SYCP2: variants seen among roughly 807,000 people sequenced by gnomAD.
The protein encoded by SYCP2 is synaptonemal complex protein 2, also known as synaptonemal complex lateral element protein.
SYCP2 carries 55 observed loss-of-function variants against 211.3 expected under a neutral mutation model. The ratio of observed to expected loss-of-function variants is 0.26; its 90% CI spans 0.21 to 0.33. The LOEUF (loss-of-function observed/expected upper bound fraction) is 0.33, where lower values mean the gene tolerates loss of function less well. Among genes scored for constraint, SYCP2 ranks in the 10% least tolerant of loss-of-function variants. The pLI is 1.00. For missense variants in SYCP2, 1,731 were observed against 1,752.0 expected (o/e 0.99, Z 0.21); for synonymous variants, 570 against 555.2 (o/e 1.03, Z -0.37).
intron 31 of SYCP2, among the ~76,000 whole-genome samples, chr20:59,879,822 AATATATATATATATATATATATATATAT>A (rs1159547809): frequency 5.9e-5 from 3 of 51,118 alleles, no homozygotes; most frequent in Non-Finnish European, 9.6e-5. Flanking sequence ...AATATAAATA[AATATATATATATATATATATATATATAT>A]ATATATATAT....
chr20:59,904,760 C>T (rs981749198), intron 15 of SYCP2, among the ~76,000 whole-genome samples: 8 of 152,100 alleles, frequency 5.3e-5, no homozygotes, highest in African/African-American at 1.9e-4. Flanking sequence ...TTATTTGGCT[C>T]ATAGTTCTGC....
At chr20:59,877,051 T>C (rs1259311016) in intron 33 of SYCP2, among the ~76,000 whole-genome samples, 1 of 152,136 alleles carries the variant, frequency 6.6e-6, no homozygotes, top group Admixed American at 6.6e-5. Flanking sequence ...GACACCAATA[T>C]TTTGCTTTCA....
chr20:59,919,445 A>G, intron 6 of SYCP2, 48 bp downstream of exon 6: 1 of 1,370,902 alleles, frequency 7.3e-7, no homozygotes, highest in Non-Finnish European at 1.0e-6. Flanking sequence ...TTGTTTTTTA[A>G]ATAAACACAT....
intron 32 of SYCP2, 36 bp downstream of exon 32, chr20:59,877,972 T>G (rs2059593759): frequency 6.6e-7 from 1 of 1,523,800 alleles, no homozygotes; most frequent in Admixed American, 1.9e-5. Context: ...AAAAATAATT[T>G]TAAAGGGATG....
At chr20:59,886,458 G>C (rs909825113) in intron 25 of SYCP2, among the ~76,000 whole-genome samples, 2 of 151,888 alleles carry the variant, frequency 1.3e-5, no homozygotes, top group Non-Finnish European at 2.9e-5. Flanking sequence ...TTTTAAAATG[G>C]TATGTTGTAT....
rs1454798755 is a variant in SYCP2 at position 59,921,090 on chromosome 20, C to T, written c.168+220G>A. On this transcript the variant is annotated intron_variant, in intron 4 of 44. Transcript: ENST00000357552. ...GTTAATAGTAAAGCCCTTGTGAACA[C>T]ATATTTTTGTATATTTTATTTGGGA... Among the ~76,000 whole-genome samples, 3 of 151,650 alleles carry T rather than the reference C, an allele frequency of 2.0e-5. No individual in the cohort carries two copies. In the South Asian group the frequency reaches 6.2e-4, roughly 32 times the overall value.
chr20:59,928,653 T>C (rs1384208953), intron 2 of SYCP2, among the ~76,000 whole-genome samples: 1 of 152,090 alleles, frequency 6.6e-6, no homozygotes, highest in Non-Finnish European at 1.5e-5. Context: ...CAAAACAGAA[T>C]TCAAACACAT....
intron 12 of SYCP2, among the ~76,000 whole-genome samples, chr20:59,913,413 T>C (rs1202911507): frequency 2.0e-5 from 3 of 152,144 alleles, no homozygotes; most frequent in African/African-American, 7.2e-5. Flanking sequence ...CATCCAATAA[T>C]TATGTTGAAC....
intron 24 of SYCP2, among the ~76,000 whole-genome samples, chr20:59,888,202 C>A (rs2059834635): frequency 6.6e-6 from 1 of 151,950 alleles, no homozygotes; most frequent in South Asian, 2.1e-4. Context: ...ACACTACAAA[C>A]AAGTACAAAC....
chr20:59,893,018 T>G (rs2059937510), intron 22 of SYCP2, 124 bp downstream of exon 22: 1 of 731,224 alleles, frequency 1.4e-6, no homozygotes, highest in Non-Finnish European at 2.2e-6. Context: ...TGTGCTGTCA[T>G]AACACTTGAG....
At chr20:59,929,689 T>C (rs2060698647) in intron 2 of SYCP2, among the ~76,000 whole-genome samples, 2 of 152,268 alleles carry the variant, frequency 1.3e-5, no homozygotes, top group South Asian at 4.1e-4. Context: ...TAAAGGCTTA[T>C]ATGCACTGTT....
chr20:59,931,805 A>G (rs772270540), intron 2 of SYCP2, among the ~76,000 whole-genome samples: 4 of 152,210 alleles, frequency 2.6e-5, no homozygotes, highest in Non-Finnish European at 5.9e-5. Flanking sequence ...ACACACACAC[A>G]CACGCATGCC....
At chr20:59,916,670 T>C in intron 7 of SYCP2, 99 bp from the exon 8 acceptor site, 1 of 778,908 alleles carries the variant, frequency 1.3e-6, no homozygotes, top group South Asian at 1.6e-5. Context: ...CCAGGCATGG[T>C]AACTCAGGCC....
chr20:59,873,866 G>A lies in SYCP2; in HGVS notation c.3545C>T (p.Pro1182Leu), dbSNP rs767172268. Residue 1182 changes from proline to leucine, a missense_variant, in exon 35 of 45, where the codon CCA (proline) becomes CTA (leucine). Pro to Leu is a moderately conservative substitution (Grantham distance 98). Transcript: ENST00000357552. Reference protein sequence around the residue: ...ASESCSPIPRPLFLPRHTPTK... With the variant: ...ASESCSPIPRLLFLPRHTPTK... ...TATATACATTCTCACCAAAAACAGT[G>A]GTCGTGGAATTGGTGAACAACTTTC... is the stretch of plus-strand genomic sequence containing the variant. 2 of 1,608,212 alleles carry A rather than the reference G, an allele frequency of 1.2e-6. No individual in the cohort carries two copies. Among genetic ancestry groups the A allele is most frequent in the African/African-American group, 1.3e-5 (1 of 74,422 alleles).
chr20:59,869,583 C>G (rs879883864), intron 36 of SYCP2, among the ~76,000 whole-genome samples: 37 of 151,804 alleles, frequency 2.4e-4, no homozygotes, highest in Admixed American at 2.4e-3. Flanking sequence ...CTATTTAAGA[C>G]CTTACTACTC....
At position 59,905,596 on chromosome 20, in the gene SYCP2, T is replaced by C. The variant is rs185621021; in HGVS notation, c.1033+1768A>G. On this transcript the variant is annotated intron_variant, in intron 15 of 44. Coordinates refer to ENST00000357552, the MANE Select transcript of SYCP2 (RefSeq NM_014258.4). The stretch of plus-strand genomic sequence containing the variant: ...GAAAACATCAGTAATTGCCTGGGGG[T>C]AGAGTACAAGGATGGATAGATTAAA... Among the ~76,000 whole-genome samples the C allele has an allele frequency of 3.6e-4, 55 of 151,964 alleles. No homozygotes were observed. In the East Asian group the frequency reaches 7.2e-3, roughly 20 times the overall value.
intron 24 of SYCP2, among the ~76,000 whole-genome samples, chr20:59,888,127 A>ACT (rs556076881): frequency 9.9e-4 from 151 of 152,186 alleles, no homozygotes; most frequent in African/African-American, 3.4e-3. Flanking sequence ...TACAAGATAG[A>ACT]AGAGTAGGAA....
chr20:59,912,309 A>G, intron 13 of SYCP2, 64 bp downstream of exon 13: 1 of 671,480 alleles, frequency 1.5e-6, no homozygotes, highest in Non-Finnish European at 2.5e-6. Context: ...TTTTTAACTC[A>G]TAATTCACTT....
At position 59,865,586 on chromosome 20, in the gene SYCP2, A is replaced by C. The variant is rs750536842; in HGVS notation, c.4445T>G (p.Val1482Gly). ...TAAAATTTATACCTCGGATGTAAAA[A>C]CAGTTTCTTCACTATCAGTATTACA... ...VFCNTDSEET[V>G]FTSEMCLMKE... The change falls in exon 43 of 45, where the codon GTT becomes GGT. Residue 1482 changes from valine to glycine, a missense_variant. This residue lies in a region of SYCP2 where 1,387 missense variants were observed against 1,351.3 expected (regional missense o/e 1.03). Transcript: ENST00000357552. 48 of 1,602,972 alleles carry C rather than the reference A, an allele frequency of 3.0e-5. No individual in the cohort carries two copies. The highest frequency in any genetic ancestry group is 3.7e-5 in the Non-Finnish European group (43 of 1,175,728).
Sources: gnomAD v4.1 joint callset for allele counts (sites outside exome capture counted in the v4.1 genomes callset) on GRCh38, gnomAD v4.1.1 for gene constraint, gnomAD v4.1.1 regional missense constraint, MANE v1.5 for transcripts, NCBI Gene and HGNC (gene_info 2026-07-23, HGNC 2026-07-21) for gene names.